The following PLCL2 variants were observed in gnomAD, a reference collection of about 807,000 sequenced individuals.
PLCL2 encodes inactive phospholipase C-like protein 2.
PLCL2 carries 4 observed loss-of-function variants against 79.6 expected under a neutral mutation model. The observed-to-expected ratio is 0.05, with a 90% CI of 0.02 to 0.11. The LOEUF (loss-of-function observed/expected upper bound fraction) is 0.11. PLCL2 is among the 10% of genes least tolerant of loss of function. PLCL2 has a pLI of 1.00. For missense variants in PLCL2, 895 were observed against 1,291.0 expected (o/e 0.69, Z 4.70); for synonymous variants, 484 against 457.7 (o/e 1.06, Z -0.73).
At chr3:17,071,905 C>A (rs1237063807) in intron 5 of PLCL2, among the ~76,000 whole-genome samples, 2 of 151,992 alleles carry the variant, frequency 1.3e-5, no homozygotes, top group African/African-American at 4.8e-5. Flanking sequence ...CGGCTCACTG[C>A]AACCTCTGCC....
chr3:16,980,648 C>T (rs1393509154), intron 1 of PLCL2, among the ~76,000 whole-genome samples: 2 of 151,758 alleles, frequency 1.3e-5, no homozygotes, highest in African/African-American at 4.8e-5. Context: ...CCTCACTTTC[C>T]AGACTGGGCA....
intron 1 of PLCL2, among the ~76,000 whole-genome samples, chr3:16,992,221 C>T (rs1287902714): frequency 6.6e-6 from 1 of 151,998 alleles, no homozygotes; most frequent in Non-Finnish European, 1.5e-5. Context: ...GTGGTGATGG[C>T]CCTGATTCAA....
intron 3 of PLCL2, among the ~76,000 whole-genome samples, chr3:17,026,902 A>T (rs1221904677): frequency 1.3e-5 from 2 of 152,080 alleles, no homozygotes; most frequent in Non-Finnish European, 2.9e-5. Flanking sequence ...TTTATCTTGT[A>T]TTAGAAAAAA....
intron 1 of PLCL2, among the ~76,000 whole-genome samples, chr3:16,993,922 C>CAT (rs2064128134): frequency 1.3e-5 from 2 of 152,120 alleles, no homozygotes; most frequent in Admixed American, 6.5e-5. Context: ...TTATTTAAAA[C>CAT]ATGAGCTAGG....
intron 1 of PLCL2, among the ~76,000 whole-genome samples, chr3:16,902,273 G>A (rs971749108): frequency 6.6e-6 from 1 of 152,158 alleles, no homozygotes; most frequent in Non-Finnish European, 1.5e-5. Context: ...TAAGGAGTTG[G>A]CAAGGTTAAG....
Position 17,068,069 on chromosome 3 carries a change from T to A in PLCL2, c.3204+4T>A. On this transcript the variant is annotated splice_donor_region_variant and intron_variant, in intron 5 of 5. Coordinates refer to ENST00000615277, the MANE Select transcript of PLCL2 (RefSeq NM_001144382.2). ...CTGGAATATTACCATCTTAAAGGTA[T>A]CTATAGAGTTGTTTCTGATGCTGGT... 4.0e-6 allele frequency: 6 copies of A among 1,507,698 alleles called. No homozygotes were observed. Among genetic ancestry groups the A allele is most frequent in the Non-Finnish European group, 5.5e-6 (6 of 1,086,864 alleles). The allele number at this position is 1,507,698 out of a possible 1,614,324, so 93.4% of individuals were successfully genotyped here. A position where few individuals can be genotyped will look rare whatever the true frequency, so the allele number is the denominator to read the frequency against.
chr3:16,927,437 T>C (rs1423042855), intron 1 of PLCL2, among the ~76,000 whole-genome samples: 1 of 152,088 alleles, frequency 6.6e-6, no homozygotes, highest in Non-Finnish European at 1.5e-5. Context: ...CCTTTTTTGT[T>C]AGTTTAAAAG....
chr3:16,915,242 G>C (rs1696966610), intron 1 of PLCL2, among the ~76,000 whole-genome samples: 1 of 152,106 alleles, frequency 6.6e-6, no homozygotes, highest in African/African-American at 2.4e-5. Context: ...TTTTGATAAA[G>C]GTCTAGAAGT....
Position 16,906,292 on chromosome 3 carries a change from T to G in PLCL2, c.327+20926T>G, listed in dbSNP as rs1696750584. On this transcript the variant is annotated intron_variant, in intron 1 of 5. Coordinates refer to ENST00000615277, the MANE Select transcript of PLCL2 (RefSeq NM_001144382.2). ...AGGTGTGCAGATCATCTCTTGATTT[T>G]TTTTCTAAAATGTATAAGGAAGATG... Among the ~76,000 whole-genome samples, 5 of 152,206 alleles carry G rather than the reference T, an allele frequency of 3.3e-5. No individual in the cohort carries two copies. The South Asian group carries it at 1.0e-3, about 31-fold the overall frequency.
At position 17,080,074 on chromosome 3, in the gene PLCL2, C is replaced by T. The variant is rs547739578; in HGVS notation, c.3205-9659C>T. Among the ~76,000 whole-genome samples, 18 of 152,276 alleles carry T rather than the reference C, an allele frequency of 1.2e-4. No homozygotes were observed. The South Asian group carries it at 3.3e-3, about 28-fold the overall frequency. The stretch of plus-strand genomic sequence containing the variant: ...GGTGGAGGTCAGGGTGGAGGGAAGG[C>T]GGTCTTCCTGCTGTGGGGAGACAAG... On this transcript the variant is annotated intron_variant, in intron 5 of 5. Coordinates refer to ENST00000615277, the MANE Select transcript of PLCL2 (RefSeq NM_001144382.2).
rs1021536155 is a variant in PLCL2, at chr3:16,972,627, C to T, written c.328-37047C>T. On this transcript the variant is annotated intron_variant, in intron 1 of 5. Transcript: ENST00000615277. ...CTCCCACTATTATTGTGTGATTATC[C>T]AAGTCTTCATAGGTCTCTAAGAAAT... 2.6e-5 allele frequency among the ~76,000 whole-genome samples: 4 copies of T among 152,114 alleles called. No individual in the cohort carries two copies. The South Asian group carries it at 6.2e-4, about 24-fold the overall frequency.
chr3:17,058,216 C>G (rs544914034), intron 4 of PLCL2, among the ~76,000 whole-genome samples: 2 of 152,074 alleles, frequency 1.3e-5, no homozygotes, highest in African/African-American at 4.8e-5. Flanking sequence ...AATACAGCCC[C>G]GGCCAGCAGC....
intron 1 of PLCL2, among the ~76,000 whole-genome samples, chr3:16,962,119 G>C (rs915299112): frequency 1.3e-5 from 2 of 152,182 alleles, no homozygotes; most frequent in Admixed American, 6.5e-5. Flanking sequence ...CAACTACAGG[G>C]ATAAGTAGAC....
At chr3:17,080,739 C>G (rs1378005951) in intron 5 of PLCL2, among the ~76,000 whole-genome samples, 6 of 152,224 alleles carry the variant, frequency 3.9e-5, no homozygotes. Flanking sequence ...GTGTGAGCCA[C>G]CACACCCGTT....
chr3:17,084,374 A>G (rs912131151), intron 5 of PLCL2, among the ~76,000 whole-genome samples: 8 of 152,224 alleles, frequency 5.3e-5, no homozygotes, highest in Admixed American at 4.6e-4. Context: ...AATGATACCA[A>G]TTCTCTACAA....
intron 1 of PLCL2, among the ~76,000 whole-genome samples, chr3:16,998,735 G>A (rs1246237258): frequency 1.3e-5 from 2 of 152,168 alleles, no homozygotes; most frequent in African/African-American, 2.4e-5. Flanking sequence ...TTTGCCAAAA[G>A]AGTGTTGTTG....
chr3:17,024,406 A>T (rs1237143309), intron 3 of PLCL2, among the ~76,000 whole-genome samples: 1 of 152,084 alleles, frequency 6.6e-6, no homozygotes, highest in African/African-American at 2.4e-5. Flanking sequence ...AAGATTTTTT[A>T]TTTACTGTTG....
chr3:16,984,971 C>T (rs746254672), intron 1 of PLCL2, among the ~76,000 whole-genome samples: 37 of 152,042 alleles, frequency 2.4e-4, no homozygotes, highest in Non-Finnish European at 4.9e-4. Context: ...CTAACAATTT[C>T]ATGAATAAAT....
At chr3:16,965,439 T>C (rs1251493630) in intron 1 of PLCL2, among the ~76,000 whole-genome samples, 1 of 152,128 alleles carries the variant, frequency 6.6e-6, no homozygotes, top group African/African-American at 2.4e-5. Flanking sequence ...TAGTATAGTT[T>C]GAAGTCAGGT....
Sources: allele counts gnomAD v4.1 joint callset (sites outside exome capture counted in the v4.1 genomes callset), GRCh38; gene constraint gnomAD v4.1.1; transcripts MANE v1.5; gene names NCBI Gene and HGNC (gene_info 2026-07-23, HGNC 2026-07-21).